CDH13: variants seen among roughly 807,000 people sequenced by gnomAD.
CDH13 encodes cadherin 13.
CDH13 carries 24 observed loss-of-function variants against 63.8 expected under a neutral mutation model. That is an observed-to-expected ratio of 0.38 (90% CI 0.27 to 0.53). The LOEUF is 0.53. CDH13 is among the 20% of genes least tolerant of loss of function. CDH13 has a pLI of 0.85. For synonymous variants in CDH13, 503 were observed against 355.3 expected, an observed-to-expected ratio of 1.42 and a Z score of -4.67; for missense variants, 1,049 against 903.1, an observed-to-expected ratio of 1.16 and a Z score of -2.07.
chr16:83,112,453 T>TA (rs1345962573), intron 3 of CDH13, among the ~76,000 whole-genome samples: 3 of 152,224 alleles, frequency 2.0e-5, no homozygotes, highest in Non-Finnish European at 4.4e-5. Flanking sequence ...GCGGTATGTG[T>TA]ATACACAGGT....
chr16:83,044,293 T>C (rs185950139), intron 3 of CDH13, among the ~76,000 whole-genome samples: 1 of 152,360 alleles, frequency 6.6e-6, no homozygotes, highest in Admixed American at 6.5e-5. Flanking sequence ...ATTTTGCTAA[T>C]ACTGACATTT....
intron 1 of CDH13, among the ~76,000 whole-genome samples, chr16:82,808,510 C>G (rs555223807): frequency 2.0e-5 from 3 of 152,258 alleles, no homozygotes; most frequent in African/African-American, 4.8e-5. Flanking sequence ...GAGGTGTAAA[C>G]AGAGCTCGTG....
chr16:82,777,576 A>G (rs1292934307), intron 1 of CDH13, among the ~76,000 whole-genome samples: 2 of 152,224 alleles, frequency 1.3e-5, no homozygotes, highest in Non-Finnish European at 2.9e-5. Flanking sequence ...TTAGTAATCT[A>G]TGGTTATACA....
At chr16:83,529,487 G>C (rs760946153) in intron 7 of CDH13, among the ~76,000 whole-genome samples, 6 of 152,026 alleles carry the variant, frequency 3.9e-5, no homozygotes, top group Non-Finnish European at 8.8e-5. Flanking sequence ...ATACTATATG[G>C]CTTTAAAAAA....
rs74738391 is a variant in CDH13, at chr16:83,519,189, A to G, written c.960+32534A>G. ...TTAGGTTAGGAGGCAGTTCCTACAT[A>G]TAGGTGGAAGGAGAAATACCAGGAG... is the stretch of plus-strand genomic sequence containing the variant. On this transcript the variant is annotated intron_variant, in intron 7 of 13. Transcript: ENST00000567109. Among the ~76,000 whole-genome samples, 1,489 of 152,284 alleles carry G rather than the reference A, an allele frequency of 9.8e-3. 24 individuals carry two copies. Among genetic ancestry groups the G allele is most frequent in the African/African-American group, 0.034 (1,425 of 41,574 alleles).
At chr16:83,485,415 A>C (rs1293239296) in intron 6 of CDH13, among the ~76,000 whole-genome samples, 1 of 152,170 alleles carries the variant, frequency 6.6e-6, no homozygotes, top group Non-Finnish European at 1.5e-5. Flanking sequence ...AACACTCCAC[A>C]TGCTTGTTAT....
At position 83,358,598 on chromosome 16, in the gene CDH13, C is replaced by T. The variant is rs61119754; in HGVS notation, c.781+13592C>T. ...AACAGCTGAAATATGCAGCATCACT[C>T]AACCAGTAAAAATTAGAGCCCAGAC... On this transcript the variant is annotated intron_variant, in intron 6 of 13. Transcript: ENST00000567109. Among the ~76,000 whole-genome samples the T allele has an allele frequency of 8.8e-3, 1,343 of 152,300 alleles. 19 individuals carry two copies. Among genetic ancestry groups the T allele is most frequent in the African/African-American group, 0.031 (1,291 of 41,564 alleles).
chr16:83,350,632 A>G (rs1193859793), intron 6 of CDH13, among the ~76,000 whole-genome samples: 1 of 152,174 alleles, frequency 6.6e-6, no homozygotes, highest in Non-Finnish European at 1.5e-5. Flanking sequence ...AATGTGCAAC[A>G]CTGGACCTGG....
intron 5 of CDH13, among the ~76,000 whole-genome samples, chr16:83,334,074 A>C (rs2090534815): frequency 6.6e-6 from 1 of 152,040 alleles, no homozygotes; most frequent in African/African-American, 2.4e-5. Context: ...TCTAAAGGCC[A>C]CGCACATTCC....
Position 82,914,425 on chromosome 16 carries a change from C to T in CDH13, c.157+55952C>T, listed in dbSNP as rs184422266. Among the ~76,000 whole-genome samples, 1,318 of 152,176 alleles carry T rather than the reference C, an allele frequency of 8.7e-3. 21 individuals are homozygous for T. The highest frequency in any genetic ancestry group is 0.031 in the African/African-American group (1,276 of 41,518). On this transcript the variant is annotated intron_variant, in intron 2 of 13. Transcript: ENST00000567109. ...CAATTTTAAGCAAATTTTCTATTGT[C>T]TCATGACTAGTAAATAGTGGAATAG...
intron 3 of CDH13, among the ~76,000 whole-genome samples, chr16:83,050,098 C>G (rs1004818967): frequency 6.6e-6 from 1 of 152,120 alleles, no homozygotes; most frequent in East Asian, 1.9e-4. Flanking sequence ...ACTCAGGATT[C>G]TTTACAAACA....
At chr16:82,800,159 C>T (rs2036781696) in intron 1 of CDH13, among the ~76,000 whole-genome samples, 1 of 151,982 alleles carries the variant, frequency 6.6e-6, no homozygotes, top group Non-Finnish European at 1.5e-5. Flanking sequence ...GGTTACTTTT[C>T]CTTTATGTGT....
rs16959844 is a variant in CDH13 at position 83,234,050 on chromosome 16, C to T, written c.636+16553C>T. Among the ~76,000 whole-genome samples, 743 of 152,306 alleles carry T rather than the reference C, an allele frequency of 4.9e-3. 5 individuals carry two copies. Among genetic ancestry groups the T allele is most frequent in the African/African-American group, 0.017 (693 of 41,576 alleles). On this transcript the variant is annotated intron_variant, in intron 5 of 13. Transcript: ENST00000567109. ...TGGCCAGCACAGTGTCCAAGGGGTTCCCCTCTTCTGCTGGCTTCAAATAGG... is the reference window on the plus strand; with the variant it reads ...TGGCCAGCACAGTGTCCAAGGGGTTTCCCTCTTCTGCTGGCTTCAAATAGG...
chr16:83,302,748 A>G (rs1246191480), intron 5 of CDH13, among the ~76,000 whole-genome samples: 1 of 152,218 alleles, frequency 6.6e-6, no homozygotes, highest in African/African-American at 2.4e-5. Context: ...GGAGACGCCA[A>G]GGAGGCAAGG....
chr16:83,422,010 C>G (rs952553771), intron 6 of CDH13, among the ~76,000 whole-genome samples: 1 of 152,122 alleles, frequency 6.6e-6, no homozygotes, highest in African/African-American at 2.4e-5. Flanking sequence ...TTTAGTTCAT[C>G]TTTTTCTCAT....
chr16:82,679,326 G>T (rs1243633610), intron 1 of CDH13, among the ~76,000 whole-genome samples: 5 of 152,172 alleles, frequency 3.3e-5, no homozygotes. Context: ...CACATACCTG[G>T]GAACCTGGTT....
At chr16:83,166,051 C>G (rs1208878692) in intron 4 of CDH13, among the ~76,000 whole-genome samples, 2 of 152,108 alleles carry the variant, frequency 1.3e-5, no homozygotes, top group African/African-American at 4.8e-5. Context: ...AAAGATAGAA[C>G]CTTCCTCAGT....
intron 7 of CDH13, among the ~76,000 whole-genome samples, chr16:83,499,539 C>G (rs1043179782): frequency 2.6e-5 from 4 of 152,224 alleles, no homozygotes; most frequent in Non-Finnish European, 5.9e-5. Flanking sequence ...AAACATTCTT[C>G]TCTCATATCA....
At chr16:83,061,679 G>C (rs2031561991) in intron 3 of CDH13, among the ~76,000 whole-genome samples, 1 of 152,160 alleles carries the variant, frequency 6.6e-6, no homozygotes, top group African/African-American at 2.4e-5. Flanking sequence ...AGTGAAACCA[G>C]ACGCCTCCAG....
Sources: gnomAD v4.1 joint callset for allele counts (sites outside exome capture counted in the v4.1 genomes callset) on GRCh38, gnomAD v4.1.1 for gene constraint, MANE v1.5 for transcripts, NCBI Gene and HGNC (gene_info 2026-07-23, HGNC 2026-07-21) for gene names.